Variants in NAALADL2 observed in about 807,000 individuals in gnomAD.
NAALADL2 encodes the protein N-acetylated alpha-linked acidic dipeptidase like 2.
In NAALADL2, 76 loss-of-function variants were observed where a neutral mutation model predicts 87.2. The observed-to-expected ratio is 0.87, with a 90% CI of 0.72 to 1.05. NAALADL2 has a LOEUF of 1.05. Ranked by LOEUF, NAALADL2 falls within the 50% of genes least tolerant of loss-of-function variation. The pLI, the probability that NAALADL2 is intolerant of heterozygous loss-of-function variation, is 0.00. For synonymous variants in NAALADL2, 354 were observed against 331.0 expected, an observed-to-expected ratio of 1.07 and a Z score of -0.75; for missense variants, 1,089 against 945.8, an observed-to-expected ratio of 1.15 and a Z score of -1.99.
chr3:174,979,692 A>G lies in NAALADL2; in HGVS notation c.44-117098A>G, dbSNP rs1744865863. 2.0e-5 allele frequency among the ~76,000 whole-genome samples: 3 copies of G among 148,218 alleles called. No individual in the cohort carries two copies. In the South Asian group the frequency reaches 6.2e-4, roughly 31 times the overall value. Reference sequence around the variant, plus strand: ...CTAATCAATTTTAGTCAATTTAAATATATTTTTATTACCTAAAAAACAGAA... The same window carrying G: ...CTAATCAATTTTAGTCAATTTAAATGTATTTTTATTACCTAAAAAACAGAA... On this transcript the variant is annotated intron_variant, in intron 1 of 13. Transcript: ENST00000454872.
At chr3:175,047,038 G>T (rs1008844307) in intron 1 of NAALADL2, among the ~76,000 whole-genome samples, 18 of 152,128 alleles carry the variant, frequency 1.2e-4, no homozygotes, top group African/African-American at 4.3e-4. Context: ...TCCTCAGATG[G>T]TGGAAGGGGT....
intron 13 of NAALADL2, among the ~76,000 whole-genome samples, chr3:175,757,159 C>G (rs1263723760): frequency 6.6e-6 from 1 of 151,846 alleles, no homozygotes; most frequent in Non-Finnish European, 1.5e-5. Flanking sequence ...TTGCCTCCTG[C>G]TTCTTCTCAT....
intron 3 of NAALADL2, among the ~76,000 whole-genome samples, chr3:175,246,013 T>G (rs570428584): frequency 6.6e-6 from 1 of 152,182 alleles, no homozygotes; most frequent in Non-Finnish European, 1.5e-5. Flanking sequence ...TTGGTTTTCA[T>G]CCTTCAATAC....
intron 5 of NAALADL2, among the ~76,000 whole-genome samples, chr3:175,378,091 G>T (rs1399878644): frequency 6.6e-6 from 1 of 152,200 alleles, no homozygotes; most frequent in Non-Finnish European, 1.5e-5. Flanking sequence ...AGCTAAAGGA[G>T]CACTGTAACA....
intron 1 of NAALADL2, among the ~76,000 whole-genome samples, chr3:174,503,287 A>C (rs1719014435): frequency 6.6e-6 from 1 of 152,216 alleles, no homozygotes; most frequent in South Asian, 2.1e-4. Context: ...AATTTACATA[A>C]GTCTTTTCCA....
At chr3:174,588,790 G>C (rs187167522) in intron 2 of NAALADL2, among the ~76,000 whole-genome samples, 68 of 152,250 alleles carry the variant, frequency 4.5e-4, no homozygotes, top group African/African-American at 1.5e-3. Flanking sequence ...GGCCCCTACT[G>C]GGGGGTGCCT....
intron 9 of NAALADL2, among the ~76,000 whole-genome samples, chr3:175,529,274 G>T (rs577329815): frequency 6.6e-6 from 1 of 152,172 alleles, no homozygotes; most frequent in Non-Finnish European, 1.5e-5. Context: ...GGTAAGAGGA[G>T]CCCAAAGTGT....
At chr3:175,779,316 TG>T (rs1411099343) in intron 13 of NAALADL2, among the ~76,000 whole-genome samples, 1 of 152,202 alleles carries the variant, frequency 6.6e-6, no homozygotes, top group Non-Finnish European at 1.5e-5. Context: ...CTGGGGGCAG[TG>T]TATTTTGATC....
intron 1 of NAALADL2, among the ~76,000 whole-genome samples, chr3:174,942,254 T>C (rs1738720688): frequency 6.6e-6 from 1 of 152,144 alleles, no homozygotes; most frequent in South Asian, 2.1e-4. Context: ...AACATTTGCT[T>C]ACCTGAAAAA....
intron 1 of NAALADL2, among the ~76,000 whole-genome samples, chr3:174,905,288 G>T (rs1029806196): frequency 6.6e-6 from 1 of 151,786 alleles, no homozygotes; most frequent in Non-Finnish European, 1.5e-5. Flanking sequence ...GTTCTGAGCT[G>T]CAGCACAAGC....
intron 1 of NAALADL2, among the ~76,000 whole-genome samples, chr3:175,051,165 C>G (rs75195230): frequency 0.093 from 14,156 of 152,186 alleles, 678 homozygotes; most frequent in Middle Eastern, 0.18. Flanking sequence ...TGTGTATGGT[C>G]CCATCCAACC....
chr3:174,999,579 A>G (rs1473544382), intron 1 of NAALADL2, among the ~76,000 whole-genome samples: 1 of 152,174 alleles, frequency 6.6e-6, no homozygotes, highest in Non-Finnish European at 1.5e-5. Flanking sequence ...TGATATTAAA[A>G]CAGTATGGTA....
intron 1 of NAALADL2, among the ~76,000 whole-genome samples, chr3:174,978,033 G>A (rs987937182): frequency 9.2e-5 from 14 of 152,164 alleles, no homozygotes; most frequent in Non-Finnish European, 1.6e-4. Context: ...TGTTCTAAAT[G>A]CTTTCTGTGC....
chr3:175,696,309 T>C (rs1737791029), intron 11 of NAALADL2, among the ~76,000 whole-genome samples: 1 of 152,068 alleles, frequency 6.6e-6, no homozygotes, highest in Non-Finnish European at 1.5e-5. Flanking sequence ...GAAGCATACA[T>C]GGCAAACTAT....
rs181377572 is a variant in NAALADL2 at position 174,629,671 on chromosome 3, C to A, written c.-115+79034C>A. The stretch of plus-strand genomic sequence containing the variant: ...TAAATCTGATACCGTTATATCTTTT[C>A]ATATTCAACAAGTGGCTCCCTTCTG... On this transcript the variant is annotated intron_variant, in intron 2 of 3. Coordinates refer to the NAALADL2 transcript ENST00000434257. 3.4e-3 allele frequency among the ~76,000 whole-genome samples: 519 copies of A among 152,302 alleles called. 4 individuals are homozygous for A. The highest frequency in any genetic ancestry group is 0.012 in the African/African-American group (494 of 41,578).
chr3:175,331,169 C>A (rs538197040), intron 5 of NAALADL2, among the ~76,000 whole-genome samples: 1 of 150,502 alleles, frequency 6.6e-6, no homozygotes, highest in East Asian at 2.0e-4. Flanking sequence ...CTTCCAACAA[C>A]AACAAAAAAA....
chr3:175,404,250 A>T (rs185104295), intron 5 of NAALADL2, among the ~76,000 whole-genome samples: 27 of 152,202 alleles, frequency 1.8e-4, no homozygotes, highest in African/African-American at 5.8e-4. Flanking sequence ...TTCTGCCAGA[A>T]ACTCATTGTG....
intron 13 of NAALADL2, among the ~76,000 whole-genome samples, chr3:175,789,888 AT>A (rs1380970678): frequency 6.6e-6 from 1 of 152,172 alleles, no homozygotes; most frequent in African/African-American, 2.4e-5. Context: ...TAATAAAAAA[AT>A]ACAAATGCAT....
chr3:175,346,177 T>A (rs916332665), intron 5 of NAALADL2, among the ~76,000 whole-genome samples: 3 of 152,048 alleles, frequency 2.0e-5, no homozygotes, highest in African/African-American at 7.2e-5. Flanking sequence ...ATTATAAAAA[T>A]TCAAACAGTA....
Sources: allele counts gnomAD v4.1 joint callset (sites outside exome capture counted in the v4.1 genomes callset), GRCh38; gene constraint gnomAD v4.1.1; transcripts MANE v1.5; gene names NCBI Gene and HGNC (gene_info 2026-07-23, HGNC 2026-07-21).